The following WWC1 variants were observed in gnomAD, a reference collection of about 807,000 sequenced individuals.
WWC1 encodes protein KIBRA.
Under a neutral mutation model 138.4 loss-of-function variants are expected in WWC1, and 55 were observed. That is an observed-to-expected ratio of 0.40 (90% CI 0.32 to 0.50). The LOEUF (loss-of-function observed/expected upper bound fraction) is 0.50. Ranked by LOEUF, WWC1 falls within the 20% of genes least tolerant of loss-of-function variation. The probability of loss-of-function intolerance (pLI) is 0.72; values close to 1 mark genes in which losing one functional copy is unlikely to be tolerated. For synonymous variants in WWC1, 524 were observed against 564.9 expected (o/e 0.93, Z 1.03); for missense variants, 1,226 against 1,420.4 (o/e 0.86, Z 2.20).
intron 20 of WWC1, among the ~76,000 whole-genome samples, chr5:168,463,017 A>T (rs1012845787): frequency 6.6e-6 from 1 of 152,226 alleles, no homozygotes; most frequent in African/African-American, 2.4e-5. Flanking sequence ...TCCTAATAGT[A>T]TGCTTGCCAG....
At chr5:168,365,712 C>T (rs1421478969) in intron 1 of WWC1, among the ~76,000 whole-genome samples, 2 of 152,196 alleles carry the variant, frequency 1.3e-5, no homozygotes, top group Admixed American at 1.3e-4. Flanking sequence ...TAGGGTGCTC[C>T]TGGCAGAACC....
chr5:168,454,848 T>C (rs1701384163), intron 18 of WWC1, among the ~76,000 whole-genome samples: 1 of 152,228 alleles, frequency 6.6e-6, no homozygotes, highest in South Asian at 2.1e-4. Context: ...TGTTTTTGTT[T>C]GTTTATGTTT....
At chr5:168,445,242 A>T (rs1451935697) in intron 17 of WWC1, among the ~76,000 whole-genome samples, 1 of 152,054 alleles carries the variant, frequency 6.6e-6, no homozygotes, top group Non-Finnish European at 1.5e-5. Context: ...TGAACCCAGG[A>T]TGGGGAGGTT....
chr5:168,467,130 C>T (rs10036266), intron 21 of WWC1, among the ~76,000 whole-genome samples: 2,822 of 152,208 alleles, frequency 0.019, 90 homozygotes, highest in African/African-American at 0.064. Context: ...TGGTGGCGGG[C>T]GCCTGTAGTC....
At chr5:168,342,140 T>G (rs747787747) in intron 1 of WWC1, among the ~76,000 whole-genome samples, 2 of 152,134 alleles carry the variant, frequency 1.3e-5, no homozygotes, top group Non-Finnish European at 2.9e-5. Flanking sequence ...TGGGGAGCAC[T>G]GGGGGGACTT....
chr5:168,440,492 T>TTTGTTGTTG (rs140204253), intron 15 of WWC1, among the ~76,000 whole-genome samples: 2 of 151,624 alleles, frequency 1.3e-5, no homozygotes, highest in African/African-American at 4.9e-5. Context: ...AAAGCAGGGT[T>TTTGTTGTTG]TTGTTGTTGT....
At chr5:168,324,616 T>A (rs986583497) in intron 1 of WWC1, among the ~76,000 whole-genome samples, 2 of 151,956 alleles carry the variant, frequency 1.3e-5, no homozygotes, top group Admixed American at 1.3e-4. Flanking sequence ...ATTTTTTTTT[T>A]AAAAGCAGAA....
chr5:168,397,307 T>C (rs1561704426), intron 3 of WWC1, among the ~76,000 whole-genome samples: 1 of 152,062 alleles, frequency 6.6e-6, no homozygotes, highest in Non-Finnish European at 1.5e-5. Flanking sequence ...CATGCCCAGC[T>C]AATTTTTGTA....
chr5:168,363,385 A>T (rs1183745663), intron 1 of WWC1, among the ~76,000 whole-genome samples: 1 of 151,918 alleles, frequency 6.6e-6, no homozygotes, highest in Non-Finnish European at 1.5e-5. Flanking sequence ...TTAGCCCGGC[A>T]TGGTGGCGGG....
chr5:168,343,909 C>A (rs1420009430), intron 1 of WWC1, among the ~76,000 whole-genome samples: 5 of 152,016 alleles, frequency 3.3e-5, no homozygotes, highest in Non-Finnish European at 7.4e-5. Flanking sequence ...ATGTCTCCCC[C>A]ACCATACCTC....
At chr5:168,465,621 A>G (rs1232893936) in intron 21 of WWC1, among the ~76,000 whole-genome samples, 1 of 120,206 alleles carries the variant, frequency 8.3e-6, no homozygotes, top group Non-Finnish European at 1.6e-5. Flanking sequence ...GTGTGGTGGC[A>G]TGATGGCTCA....
At chr5:168,355,429 G>A (rs1775319032) in intron 1 of WWC1, among the ~76,000 whole-genome samples, 1 of 146,618 alleles carries the variant, frequency 6.8e-6, no homozygotes, top group Non-Finnish European at 1.5e-5. Context: ...GGGAGGTAAA[G>A]GTTGCAGTGA....
intron 19 of WWC1, among the ~76,000 whole-genome samples, chr5:168,460,189 A>G (rs543414050): frequency 6.6e-6 from 1 of 152,330 alleles, no homozygotes; most frequent in African/African-American, 2.4e-5. Flanking sequence ...GGCAGGCTCC[A>G]TAGACACCAG....
intron 19 of WWC1, 57 bp downstream of exon 19, chr5:168,455,577 A>C: frequency 6.3e-7 from 1 of 1,582,186 alleles, no homozygotes; most frequent in Non-Finnish European, 8.6e-7. Flanking sequence ...AGCTTCACAC[A>C]GGGCTGGGTG....
chr5:168,292,245 C>T lies in WWC1; in HGVS notation c.93C>T (p.Thr31=). The T allele has an allele frequency of 6.3e-7, 1 of 1,598,866 alleles. No homozygotes were observed. Among genetic ancestry groups the T allele is most frequent in the South Asian group, 1.1e-5 (1 of 88,188 alleles). Residue 31 remains threonine (T), a synonymous_variant, in exon 1 of 23, where the codon ACC becomes ACT. Coordinates refer to ENST00000265293, the MANE Select transcript of WWC1 (RefSeq NM_015238.3). The surrounding 1 kb of genome is among the most constrained non-coding windows in gnomAD (Gnocchi z 4.4). ...KVYYIDHTNR[T]TSWIDPRDRY... ...ACTACATAGACCACACGAACCGCACCACCAGCTGGATCGACCCGCGGGACA... is the reference window on the plus strand; with the variant it reads ...ACTACATAGACCACACGAACCGCACTACCAGCTGGATCGACCCGCGGGACA...
At chr5:168,405,063 C>A (rs116028276) in intron 5 of WWC1, among the ~76,000 whole-genome samples, 2,125 of 152,216 alleles carry the variant, frequency 0.014, 45 homozygotes, top group African/African-American at 0.047. Flanking sequence ...TTGACAACTT[C>A]ATGAGTATGG....
chr5:168,461,624 G>A (rs1756819003), intron 20 of WWC1, among the ~76,000 whole-genome samples: 1 of 152,220 alleles, frequency 6.6e-6, no homozygotes, highest in Non-Finnish European at 1.5e-5. Context: ...AGGCAAAGGA[G>A]CGACCCCTGA....
chr5:168,426,470 CG>C (rs1781507533), intron 11 of WWC1, among the ~76,000 whole-genome samples: 1 of 152,166 alleles, frequency 6.6e-6, no homozygotes, highest in African/African-American at 2.4e-5. Flanking sequence ...ACACAGGTCT[CG>C]GGATGGCATT....
At chr5:168,411,971 T>A (rs1780262785) in intron 8 of WWC1, 1 of 985,104 alleles carries the variant, frequency 1.0e-6, no homozygotes, top group Non-Finnish European at 1.2e-6. Flanking sequence ...ACTGGTCAGG[T>A]AGAAAAAAAC....
Sources: allele counts gnomAD v4.1 joint callset (sites outside exome capture counted in the v4.1 genomes callset), GRCh38; gene constraint gnomAD v4.1.1; non-coding constraint Gnocchi (gnomAD v3.1); transcripts MANE v1.5; gene names NCBI Gene and HGNC (gene_info 2026-07-23, HGNC 2026-07-21).